TMEM178A: variants seen among roughly 807,000 people sequenced by gnomAD.
The protein encoded by TMEM178A is transmembrane protein 178A.
In TMEM178A, 12 loss-of-function variants were observed where a neutral mutation model predicts 29.1. The observed-to-expected ratio is 0.41, with a 90% CI of 0.26 to 0.67. The LOEUF (loss-of-function observed/expected upper bound fraction) is 0.67. Among genes scored for constraint, TMEM178A ranks in the 30% least tolerant of loss-of-function variants. The probability of loss-of-function intolerance (pLI) is 0.29; values close to 1 mark genes in which losing one functional copy is unlikely to be tolerated. For missense variants in TMEM178A, 366 were observed against 419.1 expected (o/e 0.87, Z 1.11); for synonymous variants, 210 against 187.2 (o/e 1.12, Z -0.99).
chr2:39,709,513 G>T (rs1233542136), intron 3 of TMEM178A, among the ~76,000 whole-genome samples: 1 of 152,204 alleles, frequency 6.6e-6, no homozygotes, highest in Non-Finnish European at 1.5e-5. Context: ...CCAGCCACTG[G>T]GTTCCTGCCC....
intron 1 of TMEM178A, among the ~76,000 whole-genome samples, chr2:39,695,732 G>C (rs1671512584): frequency 6.6e-6 from 1 of 151,910 alleles, no homozygotes; most frequent in African/African-American, 2.4e-5. Context: ...TTCGATTCAG[G>C]GGGAACCCAA....
In TMEM178A at chr2:39,711,061, G is replaced by A. The variant is rs549121850; in HGVS notation, c.652+3875G>A. 1.9e-4 allele frequency among the ~76,000 whole-genome samples: 29 copies of A among 152,232 alleles called. No individual in the cohort carries two copies. In the East Asian group the frequency reaches 2.1e-3, roughly 11 times the overall value. On this transcript the variant is annotated intron_variant, in intron 3 of 3. Coordinates refer to ENST00000281961, the MANE Select transcript of TMEM178A (RefSeq NM_152390.3). The stretch of plus-strand genomic sequence containing the variant: ...TGCAAGGGCCCTCCCAGAGAGCCAG[G>A]GGCAGCCTGCACATCTCCCACCGGC...
intron 1 of TMEM178A, among the ~76,000 whole-genome samples, chr2:39,697,646 T>A (rs2148089817): frequency 6.6e-6 from 1 of 152,272 alleles, no homozygotes; most frequent in South Asian, 2.1e-4. Context: ...ATTTCAGAAT[T>A]CTTGGCACTT....
In TMEM178A at chr2:39,667,335, A is replaced by ATTT. The variant is rs3032158; in HGVS notation, c.400+975_400+977dup. 2.3e-4 allele frequency among the ~76,000 whole-genome samples: 33 copies of ATTT among 141,280 alleles called. 1 individual carries two copies. Among genetic ancestry groups the ATTT allele is most frequent in the African/African-American group, 7.7e-4 (30 of 38,880 alleles). 92.7% of individuals were successfully genotyped at this position (141,280 alleles called of 152,430 possible). On this transcript the variant is annotated intron_variant, in intron 1 of 3. Coordinates refer to ENST00000281961, the MANE Select transcript of TMEM178A (RefSeq NM_152390.3). ...TCTGTGAATGCTATCAGATAGTTTGATTTTTTTTTTTTTTTTGGTAATCCC... is the reference window on the plus strand; with the variant it reads ...TCTGTGAATGCTATCAGATAGTTTGATTTTTTTTTTTTTTTTTTTGGTAATCCC...
intron 1 of TMEM178A, among the ~76,000 whole-genome samples, chr2:39,696,708 T>C (rs1671560285): frequency 6.6e-6 from 1 of 152,172 alleles, no homozygotes; most frequent in Admixed American, 6.5e-5. Flanking sequence ...TTCTTCCTTA[T>C]TTAACCTCGA....
downstream of TMEM178A, among the ~76,000 whole-genome samples, chr2:39,720,045 A>G (rs1320287013): frequency 6.6e-6 from 1 of 152,186 alleles, no homozygotes; most frequent in Non-Finnish European, 1.5e-5. Flanking sequence ...GAAAAAAATT[A>G]AGCTTACTCT....
chr2:39,735,012 C>T, the TMEM178A span, among the ~76,000 whole-genome samples: 5 of 152,152 alleles, frequency 3.3e-5, no homozygotes, highest in Admixed American at 6.5e-5. Context: ...GATCTCTTTA[C>T]TTTCACCCTT....
At position 39,685,097 on chromosome 2, in the gene TMEM178A, C is replaced by T. The variant is rs535288108; in HGVS notation, c.400+18723C>T. Among the ~76,000 whole-genome samples the T allele has an allele frequency of 7.9e-5, 12 of 152,274 alleles. No homozygotes were observed. In the South Asian group the frequency reaches 2.5e-3, roughly 32 times the overall value. ...AAAATCAATTCTGATCATGCCTTTT[C>T]CTAGTTTATAATCTCTGGTGACTTC... is the stretch of plus-strand genomic sequence containing the variant. On this transcript the variant is annotated intron_variant, in intron 1 of 3. Coordinates refer to ENST00000281961, the MANE Select transcript of TMEM178A (RefSeq NM_152390.3).
intron 1 of TMEM178A, among the ~76,000 whole-genome samples, chr2:39,672,268 T>A (rs939009846): frequency 1.3e-5 from 2 of 152,194 alleles, no homozygotes; most frequent in Non-Finnish European, 2.9e-5. Context: ...CAAAAGTGGA[T>A]GGTACTTTAA....
chr2:39,706,546 A>G (rs530883773), intron 2 of TMEM178A, among the ~76,000 whole-genome samples: 78 of 152,176 alleles, frequency 5.1e-4, no homozygotes, highest in Non-Finnish European at 6.8e-4. Context: ...ATAAAACCCT[A>G]TTTCACAATA....
At chr2:39,665,774 G>A (rs1398610768), upstream of TMEM178A, 7 of 425,624 alleles carry the variant, frequency 1.6e-5, no homozygotes, top group Admixed American at 4.6e-5. Context: ...CGGGCCGGGG[G>A]CGGGCGGGCG....
chr2:39,683,073 G>C (rs1670937063), intron 1 of TMEM178A, among the ~76,000 whole-genome samples: 1 of 152,184 alleles, frequency 6.6e-6, no homozygotes, highest in Non-Finnish European at 1.5e-5. Context: ...TGATCTTCAG[G>C]ACTACTTGCG....
chr2:39,668,411 A>G (rs1468050465), intron 1 of TMEM178A, among the ~76,000 whole-genome samples: 1 of 152,130 alleles, frequency 6.6e-6, no homozygotes, highest in Non-Finnish European at 1.5e-5. Context: ...TGTGTAGAAC[A>G]CTGAAGAGTT....
Position 39,717,026 on chromosome 2 carries a change from T to A in TMEM178A, c.669T>A (p.Ile223=), listed in dbSNP as rs200061855. The A allele has an allele frequency of 5.0e-6, 8 of 1,611,252 alleles. No individual in the cohort carries two copies. The East Asian group carries it at 1.6e-4, about 31-fold the overall frequency. The change falls in exon 4 of 4, where the codon ATT becomes ATA. Residue 223 remains isoleucine, a synonymous_variant. Transcript: ENST00000281961. ...LFLMTGIFCT[I]SLCTYAASIS... ...TATTTATAGGGATATTTTGCACCAT[T>A]TCCCTCTGTACTTATGCCGCCAGTA... is the stretch of plus-strand genomic sequence containing the variant.
intron 1 of TMEM178A, among the ~76,000 whole-genome samples, chr2:39,682,573 A>C (rs866395154): frequency 6.6e-6 from 1 of 152,152 alleles, no homozygotes; most frequent in East Asian, 1.9e-4. Context: ...AGTTGGGGCA[A>C]ATAGTTCCCA....
chr2:39,685,590 CG>C (rs1221086951), intron 1 of TMEM178A, among the ~76,000 whole-genome samples: 1 of 152,068 alleles, frequency 6.6e-6, no homozygotes, highest in Non-Finnish European at 1.5e-5. Context: ...TTCAGTAAAT[CG>C]GGCTAGATAA....
downstream of TMEM178A, among the ~76,000 whole-genome samples, chr2:39,721,406 C>T (rs1363146955): frequency 1.3e-5 from 2 of 152,180 alleles, no homozygotes; most frequent in Non-Finnish European, 2.9e-5. Context: ...AGCATTTTTT[C>T]TGTTTTTATT....
chr2:39,687,062 G>C (rs576197584), intron 1 of TMEM178A, among the ~76,000 whole-genome samples: 3 of 150,840 alleles, frequency 2.0e-5, no homozygotes, highest in Non-Finnish European at 4.4e-5. Flanking sequence ...GGTCTGGACT[G>C]TCTGCAAGTT....
intron 1 of TMEM178A, 23 bp downstream of exon 1, chr2:39,666,397 G>T: frequency 1.5e-6 from 2 of 1,322,170 alleles, no homozygotes; most frequent in Non-Finnish European, 1.9e-6. Context: ...CGCACCCCGC[G>T]TCCCCGGCGC....
Sources: gnomAD v4.1 joint callset for allele counts (sites outside exome capture counted in the v4.1 genomes callset) on GRCh38, gnomAD v4.1.1 for gene constraint, MANE v1.5 for transcripts, NCBI Gene and HGNC (gene_info 2026-07-23, HGNC 2026-07-21) for gene names.